CDH18: variants seen among roughly 807,000 people sequenced by gnomAD.
CDH18 encodes cadherin 18, also known as cadherin-18.
In CDH18, 31 loss-of-function variants were observed where a neutral mutation model predicts 67.9. That is an observed-to-expected ratio of 0.46 (90% CI 0.34 to 0.62). The LOEUF (loss-of-function observed/expected upper bound fraction) is 0.62. CDH18 is among the 20% of genes least tolerant of loss of function. The pLI, the probability that CDH18 is intolerant of heterozygous loss-of-function variation, is 0.01. For missense variants in CDH18, 890 were observed against 975.5 expected (o/e 0.91, Z 1.17); for synonymous variants, 362 against 347.2 (o/e 1.04, Z -0.48).
chr5:20,333,551 A>AC (rs34512076), intron 1 of CDH18, among the ~76,000 whole-genome samples: 1 of 123,332 alleles, frequency 8.1e-6, no homozygotes, highest in Non-Finnish European at 2.0e-5. Context: ...ACACACACAC[A>AC]TATATGTATA....
At position 19,597,374 on chromosome 5, in the gene CDH18, G is replaced by A. The variant is rs1383583281; in HGVS notation, c.812-6130C>T. On this transcript the variant is annotated intron_variant, in intron 6 of 12. Coordinates refer to ENST00000382275, the MANE Select transcript of CDH18 (RefSeq NM_004934.5). ...ATTAGTTGTTTTAATATGCCAATTG[G>A]AATGCTTTGCAACACAGGCATAGAT... Among the ~76,000 whole-genome samples the A allele has an allele frequency of 1.4e-4, 21 of 152,160 alleles. 1 individual carries two copies. Among genetic ancestry groups the A allele is most frequent in the Admixed American group, 1.4e-3 (21 of 15,268 alleles).
intron 2 of CDH18, among the ~76,000 whole-genome samples, chr5:20,080,458 A>G (rs1487422867): frequency 6.6e-6 from 1 of 152,184 alleles, no homozygotes; most frequent in Admixed American, 6.5e-5. Context: ...TAGAGTACCA[A>G]CATAGATGGA....
chr5:20,169,672 T>C (rs1339759004), intron 2 of CDH18, among the ~76,000 whole-genome samples: 1 of 152,170 alleles, frequency 6.6e-6, no homozygotes. Flanking sequence ...AATTTATACA[T>C]TCTAAAAGTA....
At chr5:19,628,835 T>G (rs538649506) in intron 5 of CDH18, among the ~76,000 whole-genome samples, 1 of 151,878 alleles carries the variant, frequency 6.6e-6, no homozygotes, top group African/African-American at 2.4e-5. Context: ...GAAATGAGTA[T>G]GTATAGAAAG....
intron 5 of CDH18, among the ~76,000 whole-genome samples, chr5:19,692,955 C>T (rs1762086046): frequency 2.0e-5 from 3 of 151,988 alleles, no homozygotes; most frequent in Admixed American, 2.0e-4. Context: ...TCTATTGCAG[C>T]AAATAACTTC....
intron 7 of CDH18, among the ~76,000 whole-genome samples, chr5:19,586,305 C>CA (rs1744129399): frequency 6.6e-6 from 1 of 152,094 alleles, no homozygotes; most frequent in Non-Finnish European, 1.5e-5. Flanking sequence ...ATTAACCCAT[C>CA]ACCTAGGTAT....
chr5:20,323,838 A>G (rs7701772), intron 1 of CDH18, among the ~76,000 whole-genome samples: 21,273 of 152,200 alleles, frequency 0.14, 1,576 homozygotes, highest in African/African-American at 0.16. Flanking sequence ...ACACAGATAT[A>G]AGAATTATTT....
At chr5:19,668,459 A>G (rs551086388) in intron 5 of CDH18, among the ~76,000 whole-genome samples, 44 of 152,188 alleles carry the variant, frequency 2.9e-4, no homozygotes, top group Admixed American at 1.4e-3. Flanking sequence ...TGATCAAAAG[A>G]CCTGTTATAG....
At chr5:20,111,034 T>TA (rs1371190336) in intron 2 of CDH18, among the ~76,000 whole-genome samples, 1 of 152,122 alleles carries the variant, frequency 6.6e-6, no homozygotes, top group South Asian at 2.1e-4. Context: ...GGTAAGTCAT[T>TA]AAAAAAATCT....
intron 5 of CDH18, among the ~76,000 whole-genome samples, chr5:19,629,257 G>A (rs1174110642): frequency 6.6e-6 from 1 of 152,138 alleles, no homozygotes; most frequent in Non-Finnish European, 1.5e-5. Context: ...TCTACAAGAT[G>A]AGAAGTATCA....
intron 2 of CDH18, among the ~76,000 whole-genome samples, chr5:20,208,762 T>A (rs898553149): frequency 1.3e-5 from 2 of 151,894 alleles, no homozygotes; most frequent in Non-Finnish European, 2.9e-5. Flanking sequence ...AGCCAAAGAA[T>A]TAATCAAGAA....
chr5:20,355,493 AT>A (rs1290829654), intron 1 of CDH18, among the ~76,000 whole-genome samples: 1 of 152,234 alleles, frequency 6.6e-6, no homozygotes, highest in African/African-American at 2.4e-5. Flanking sequence ...GGCCAAAAAA[AT>A]CTTACATTTC....
At chr5:20,198,973 C>A (rs1307834933) in intron 2 of CDH18, among the ~76,000 whole-genome samples, 2 of 152,226 alleles carry the variant, frequency 1.3e-5, no homozygotes, top group Non-Finnish European at 2.9e-5. Flanking sequence ...GGAACTTCCA[C>A]CTGGATTTCA....
intron 2 of CDH18, among the ~76,000 whole-genome samples, chr5:20,121,937 T>A (rs918232013): frequency 2.0e-5 from 3 of 152,180 alleles, no homozygotes; most frequent in African/African-American, 4.8e-5. Context: ...AAACTCTACC[T>A]TTTATAAACA....
intron 10 of CDH18, among the ~76,000 whole-genome samples, chr5:19,504,955 T>C (rs1176619354): frequency 6.6e-6 from 1 of 152,156 alleles, no homozygotes; most frequent in African/African-American, 2.4e-5. Flanking sequence ...TCAGTTAGTA[T>C]ACAAATTATT....
At chr5:20,373,410 A>G (rs1743162637) in intron 1 of CDH18, among the ~76,000 whole-genome samples, 1 of 152,036 alleles carries the variant, frequency 6.6e-6, no homozygotes, top group African/African-American at 2.4e-5. Flanking sequence ...TCTCACACCC[A>G]TCACTGTACC....
At chr5:19,947,330 C>A (rs770120626) in intron 2 of CDH18, among the ~76,000 whole-genome samples, 2 of 151,688 alleles carry the variant, frequency 1.3e-5, no homozygotes, top group African/African-American at 4.8e-5. Context: ...ACAAAAAAAT[C>A]AAAGGCTCAA....
chr5:19,948,348 G>A (rs2150254079), intron 2 of CDH18, among the ~76,000 whole-genome samples: 1 of 152,236 alleles, frequency 6.6e-6, no homozygotes, highest in Non-Finnish European at 1.5e-5. Flanking sequence ...TAAATCAAAT[G>A]TCCTTCAACG....
At chr5:20,013,557 A>C (rs755116992) in intron 2 of CDH18, among the ~76,000 whole-genome samples, 3 of 152,038 alleles carry the variant, frequency 2.0e-5, no homozygotes, top group African/African-American at 4.8e-5. Flanking sequence ...CTGTTTATTT[A>C]TATATTTATA....
Sources: allele counts gnomAD v4.1 joint callset (sites outside exome capture counted in the v4.1 genomes callset), GRCh38; gene constraint gnomAD v4.1.1; transcripts MANE v1.5; gene names NCBI Gene and HGNC (gene_info 2026-07-23, HGNC 2026-07-21).